Variants in CSAD observed in about 807,000 individuals in gnomAD.
CSAD encodes the protein P-selectin cytoplasmic tail-associated protein.
In CSAD, 47 loss-of-function variants were observed where a neutral mutation model predicts 61.5. The ratio of observed to expected loss-of-function variants is 0.76; its 90% confidence interval spans 0.60 to 0.97. The LOEUF is 0.97. Ranked by LOEUF, CSAD falls within the 50% of genes least tolerant of loss-of-function variation. The pLI, the probability that CSAD is intolerant of heterozygous loss-of-function variation, is 0.00. For synonymous variants in CSAD, 245 were observed against 252.7 expected (o/e 0.97, Z 0.29); for missense variants, 611 against 643.6 (o/e 0.95, Z 0.55).
chr12:53,165,214 G>A (rs1690506570), intron 10 of CSAD, among the ~76,000 whole-genome samples: 1 of 152,052 alleles, frequency 6.6e-6, no homozygotes, highest in South Asian at 2.1e-4. Context: ...GGCAGCCTGT[G>A]CCTGTGGTCC....
rs776418034 is a variant in CSAD at position 53,159,674 on chromosome 12, G to T, written c.1257C>A (p.Pro419=). ...GACTCTCCTGCTTCCCTCGCAGGCT[G>T]GGGGGTACGAACCAGAAACACACAT... The part of the protein sequence containing the change: ...FVNVCFWFVP[P]SLRGKQESPD... Residue 419 remains proline (P), a synonymous_variant, in exon 16 of 17, where the codon CCC becomes CCA. Coordinates refer to ENST00000444623, the MANE Select transcript of CSAD (RefSeq NM_001244705.2). 2 of 1,610,330 alleles carry T rather than the reference G, an allele frequency of 1.2e-6. No individual in the cohort carries two copies. Among genetic ancestry groups the T allele is most frequent in the Non-Finnish European group, 1.7e-6 (2 of 1,178,026 alleles).
chr12:53,166,549 G>A (rs1939965709), intron 10 of CSAD, among the ~76,000 whole-genome samples: 1 of 151,982 alleles, frequency 6.6e-6, no homozygotes, highest in Non-Finnish European at 1.5e-5. Context: ...TGTAATCCTA[G>A]CATTTTGAGA....
At chr12:53,162,801 C>T (rs1181543002) in intron 10 of CSAD, among the ~76,000 whole-genome samples, 3 of 152,026 alleles carry the variant, frequency 2.0e-5, no homozygotes, top group Admixed American at 6.5e-5. Context: ...GTGGCTTATG[C>T]CTGGAATCCC....
chr12:53,173,919 A>T (rs896478053), intron 2 of CSAD, 149 bp from the exon 3 acceptor site: 4 of 732,472 alleles, frequency 5.5e-6, no homozygotes, highest in African/African-American at 1.8e-5. Context: ...CCTCAGTAGC[A>T]GTCATTTCCC....
intron 10 of CSAD, among the ~76,000 whole-genome samples, chr12:53,167,134 T>G (rs946913987): frequency 1.3e-5 from 2 of 152,106 alleles, no homozygotes; most frequent in Non-Finnish European, 2.9e-5. Flanking sequence ...TCCACACACT[T>G]CAAATGCCCA....
chr12:53,171,540 C>G, intron 7 of CSAD, 99 bp from the exon 8 acceptor site: 2 of 1,183,448 alleles, frequency 1.7e-6, no homozygotes, highest in Admixed American at 2.3e-5. Flanking sequence ...ATCAAAGAAG[C>G]AGGTATGACT....
upstream of CSAD, chr12:53,180,927 GGGAGGGGAGGGGA>G: frequency 1.9e-6 from 2 of 1,049,796 alleles, no homozygotes; most frequent in Non-Finnish European, 1.2e-6. Context: ...CGCGGGAAGG[GGGAGGGGAGGGGA>G]GGAGGGGCGC....
At chr12:53,172,976 G>A (rs1254492055) in intron 4 of CSAD, among the ~76,000 whole-genome samples, 2 of 152,200 alleles carry the variant, frequency 1.3e-5, no homozygotes, top group Non-Finnish European at 2.9e-5. Context: ...GGGAGGCCGA[G>A]GCAGGCAGAT....
At position 53,172,555 on chromosome 12, in the gene CSAD, A is replaced by G; in HGVS notation, c.220T>C (p.Cys74Arg). 1 of 1,613,838 alleles carries G rather than the reference A, an allele frequency of 6.2e-7. No homozygotes were observed. Among genetic ancestry groups the G allele is most frequent in the Non-Finnish European group, 8.5e-7 (1 of 1,179,908 alleles). Residue 74 changes from cysteine (C) to arginine (R), a missense_variant, in exon 5 of 17, where the codon TGT becomes CGT. Transcript: ENST00000444623. Reference sequence around the variant, plus strand: ...ACACTGTAGCGAATCACAGCCCGACACCGCTCCAGGATCTGCTTCTGTGAC... The same window carrying G: ...ACACTGTAGCGAATCACAGCCCGACGCCGCTCCAGGATCTGCTTCTGTGAC... ...GESQKQILER[C>R]RAVIRYSVKT...
intron 7 of CSAD, 38 bp downstream of exon 7, chr12:53,171,843 TA>T: frequency 7.4e-7 from 1 of 1,360,302 alleles, no homozygotes; most frequent in Non-Finnish European, 1.0e-6. Flanking sequence ...GAGGAACTCA[TA>T]AAAAGGGCAA....
At chr12:53,172,198 A>G (rs974538629) in intron 6 of CSAD, 148 bp downstream of exon 6, 3 of 840,426 alleles carry the variant, frequency 3.6e-6, no homozygotes, top group Admixed American at 4.4e-5. Flanking sequence ...AAGTGGGTCC[A>G]AAGGATATGA....
chr12:53,172,008 C>T lies in CSAD; in HGVS notation c.345-20G>A. ...GTGTACCTGCCAGGAGAGAGAACGA[C>T]GAGAAAGGAGAGATGGGGAGGGACT... is the stretch of plus-strand genomic sequence containing the variant. On this transcript the variant is annotated intron_variant, in intron 6 of 16. Transcript: ENST00000444623. 5 of 1,577,436 alleles carry T rather than the reference C, an allele frequency of 3.2e-6. No homozygotes were observed. Among genetic ancestry groups the T allele is most frequent in the East Asian group, 2.2e-5 (1 of 44,660 alleles).
rs780712120 is a variant in CSAD at position 53,160,311 on chromosome 12, G to C, written c.975C>G (p.Leu325=). 5 of 1,614,154 alleles carry C rather than the reference G, an allele frequency of 3.1e-6. No individual in the cohort carries two copies. The highest frequency in any genetic ancestry group is 1.6e-4 in the Middle Eastern group (1 of 6,062). Residue 325 remains leucine, a synonymous_variant, in exon 14 of 17, where the codon CTC becomes CTG. Coordinates refer to ENST00000444623, the MANE Select transcript of CSAD (RefSeq NM_001244705.2). ...ALLLQDTSNL[L]KRCHGSQASY... ...TGGCCTGGGACCCATGGCAGCGCTT[G>C]AGCAGGTTCTGTGTGGGGGTGAGGA... is the stretch of plus-strand genomic sequence containing the variant.
intron 10 of CSAD, among the ~76,000 whole-genome samples, chr12:53,166,001 T>C (rs1939894918): frequency 6.6e-6 from 1 of 152,220 alleles, no homozygotes; most frequent in Non-Finnish European, 1.5e-5. Context: ...TGGATGAACC[T>C]TGAAGACATT....
At chr12:53,166,031 A>C (rs551182470) in intron 10 of CSAD, among the ~76,000 whole-genome samples, 1 of 152,332 alleles carries the variant, frequency 6.6e-6, no homozygotes, top group Non-Finnish European at 1.5e-5. Context: ...GAAATAAGCC[A>C]ATCGAAAAAG....
At chr12:53,180,467 T>C in intron 1 of CSAD, 4 of 1,208,348 alleles carry the variant, frequency 3.3e-6, no homozygotes, top group Non-Finnish European at 4.2e-6. Context: ...GGTCCTGCCC[T>C]CAGTCTCGAT....
At chr12:53,178,422 G>A (rs549503015) in intron 2 of CSAD, 1 of 455,558 alleles carries the variant, frequency 2.2e-6, no homozygotes, top group Non-Finnish European at 4.4e-6. Context: ...AGCCCAGGAG[G>A]TTGAGGCTGC....
intron 6 of CSAD, 67 bp downstream of exon 6, chr12:53,172,279 C>T (rs940356433): frequency 2.0e-5 from 27 of 1,372,276 alleles, no homozygotes; most frequent in Non-Finnish European, 2.8e-5. Context: ...CCTCCCCTAC[C>T]CCTCAGGCAC....
chr12:53,178,266 A>C (rs940273587), intron 2 of CSAD: 1 of 429,800 alleles, frequency 2.3e-6, no homozygotes, highest in African/African-American at 2.1e-5. Context: ...TGAGCCTAGG[A>C]ATTCGAGACC....
Sources: gnomAD v4.1 joint callset for allele counts (sites outside exome capture counted in the v4.1 genomes callset) on GRCh38, gnomAD v4.1.1 for gene constraint, MANE v1.5 for transcripts, NCBI Gene and HGNC (gene_info 2026-07-23, HGNC 2026-07-21) for gene names.